AKT3: variants seen among roughly 807,000 people sequenced by gnomAD.
AKT3 encodes the protein RAC-gamma serine/threonine-protein kinase.
Under a neutral mutation model 65.3 loss-of-function variants are expected in AKT3, and 15 were observed. The observed-to-expected ratio is 0.23, with a 90% CI of 0.15 to 0.35. The LOEUF (loss-of-function observed/expected upper bound fraction) is 0.35. AKT3 is among the 10% of genes least tolerant of loss of function. AKT3 has a pLI of 1.00. For synonymous variants in AKT3, 206 were observed against 183.8 expected, an observed-to-expected ratio of 1.12 and a Z score of -0.98; for missense variants, 243 against 576.5, an observed-to-expected ratio of 0.42 and a Z score of 5.92.
intron 2 of AKT3, among the ~76,000 whole-genome samples, chr1:243,755,458 A>T (rs999972121): frequency 1.3e-5 from 2 of 152,066 alleles, no homozygotes; most frequent in East Asian, 3.9e-4. Context: ...CTGGAAATTG[A>T]GGGTTTAAAG....
chr1:243,598,622 C>T (rs2148569081), intron 8 of AKT3, among the ~76,000 whole-genome samples: 1 of 152,270 alleles, frequency 6.6e-6, no homozygotes, highest in African/African-American at 2.4e-5. Flanking sequence ...AAGATGACTG[C>T]ATCTACAGCC....
At chr1:243,829,808 T>C (rs1033185908) in intron 2 of AKT3, among the ~76,000 whole-genome samples, 11 of 152,172 alleles carry the variant, frequency 7.2e-5, no homozygotes, top group African/African-American at 2.7e-4. Flanking sequence ...ATGATTTATA[T>C]AATCAAAACA....
intron 3 of AKT3, among the ~76,000 whole-genome samples, chr1:243,671,481 C>T (rs114817042): frequency 0.021 from 3,218 of 152,226 alleles, 55 homozygotes; most frequent in Non-Finnish European, 0.034. Context: ...ATATGATACA[C>T]CATGGAGGTT....
Position 243,504,617 on chromosome 1 carries a change from G to T in AKT3, c.*632C>A. 5.7e-6 allele frequency: 1 copy of T among 174,958 alleles called. No individual in the cohort carries two copies. The highest frequency in any genetic ancestry group is 1.2e-5 in the Non-Finnish European group (1 of 83,068). 10.8% of individuals were successfully genotyped at this position (174,958 alleles called of 1,614,324 possible). ...TGGGCTTCTTCTACAGTATCCACCAGGAATTTAAAAAAAAAAAATTATATA... is the reference window on the plus strand; with the variant it reads ...TGGGCTTCTTCTACAGTATCCACCATGAATTTAAAAAAAAAAAATTATATA... On this transcript the variant is annotated 3_prime_UTR_variant, in exon 14 of 14. Transcript: ENST00000673466.
At chr1:243,743,141 T>C (rs1688264807) in intron 2 of AKT3, among the ~76,000 whole-genome samples, 1 of 152,182 alleles carries the variant, frequency 6.6e-6, no homozygotes, top group Non-Finnish European at 1.5e-5. Flanking sequence ...TTGGTCTCCA[T>C]CTCAAAAACA....
chr1:243,841,500 CT>C (rs1233632871), intron 2 of AKT3, among the ~76,000 whole-genome samples: 2 of 152,102 alleles, frequency 1.3e-5, no homozygotes, highest in Non-Finnish European at 2.9e-5. Flanking sequence ...TTATAAAGCA[CT>C]GAAATCTGAA....
chr1:243,702,287 C>T (rs1685519093), intron 2 of AKT3, among the ~76,000 whole-genome samples: 1 of 152,066 alleles, frequency 6.6e-6, no homozygotes, highest in East Asian at 1.9e-4. Context: ...AGTTTCTTTC[C>T]CACTCAACCT....
At position 243,501,493 on chromosome 1, in the gene AKT3, C is replaced by T. The variant is rs895981445; in HGVS notation, c.*3756G>A. The stretch of plus-strand genomic sequence containing the variant: ...TCCCTGGCTTCACAGTACATCCATC[C>T]TAAATCCAGTGCTGAGAGGTCAGCG... On this transcript the variant is annotated 3_prime_UTR_variant, in exon 14 of 14. Coordinates refer to ENST00000673466, the MANE Select transcript of AKT3 (RefSeq NM_005465.7). The T allele has an allele frequency of 4.3e-6, 1 of 233,118 alleles. No homozygotes were observed. Among genetic ancestry groups the T allele is most frequent in the African/African-American group, 2.2e-5 (1 of 45,330 alleles). 14.4% of individuals were successfully genotyped at this position (233,118 alleles called of 1,614,324 possible). A position where few individuals can be genotyped will look rare whatever the true frequency, so the allele number is the denominator to read the frequency against.
rs551402088 is a variant in AKT3, at chr1:243,727,554, T to G, written c.47-31838A>C. Among the ~76,000 whole-genome samples, 4 of 152,272 alleles carry G rather than the reference T, an allele frequency of 2.6e-5. No individual in the cohort carries two copies. The East Asian group carries it at 7.7e-4, about 29-fold the overall frequency. On this transcript the variant is annotated intron_variant, in intron 2 of 13. Coordinates refer to ENST00000673466, the MANE Select transcript of AKT3 (RefSeq NM_005465.7). ...CCTCAGCCTCCCAAATTGCCAGGAT[T>G]ACAGGTGTCAGCCACTGCTCCCAGC...
In AKT3 at chr1:243,646,843, T is replaced by A. The variant is rs115840908; in HGVS notation, c.285-806A>T. On this transcript the variant is annotated intron_variant, in intron 4 of 13. Transcript: ENST00000673466. ...TCATAGTAAATTTCTTAGAAAAAAT[T>A]AAAAAAAAGGATACAGCTTGTAGTT... Among the ~76,000 whole-genome samples, 845 of 151,896 alleles carry A rather than the reference T, an allele frequency of 5.6e-3. 11 individuals are homozygous for A. Among genetic ancestry groups the A allele is most frequent in the African/African-American group, 0.019 (804 of 41,450 alleles).
At chr1:243,692,789 G>A (rs1684782624) in intron 3 of AKT3, among the ~76,000 whole-genome samples, 1 of 151,856 alleles carries the variant, frequency 6.6e-6, no homozygotes, top group Non-Finnish European at 1.5e-5. Context: ...AGGCTGCATT[G>A]TCACATAAAA....
intron 2 of AKT3, among the ~76,000 whole-genome samples, chr1:243,732,467 A>G (rs369658203): frequency 6.6e-6 from 1 of 152,222 alleles, no homozygotes; most frequent in East Asian, 1.9e-4. Flanking sequence ...TAATACCCTC[A>G]GACTCTAGGT....
intron 4 of AKT3, among the ~76,000 whole-genome samples, chr1:243,663,235 A>G (rs1235411327): frequency 6.6e-6 from 1 of 152,232 alleles, no homozygotes; most frequent in Non-Finnish European, 1.5e-5. Flanking sequence ...AAAGAAAAAT[A>G]TCTAAGTACC....
chr1:243,581,538 G>A (rs939259773), intron 8 of AKT3, among the ~76,000 whole-genome samples: 5 of 151,546 alleles, frequency 3.3e-5, no homozygotes, highest in Non-Finnish European at 5.9e-5. Context: ...GGAAGAAAAG[G>A]GAAAGGAGAA....
intron 2 of AKT3, among the ~76,000 whole-genome samples, chr1:243,698,556 G>T (rs1437395119): frequency 6.6e-6 from 1 of 151,716 alleles, no homozygotes; most frequent in Non-Finnish European, 1.5e-5. Flanking sequence ...TATTTTCTAT[G>T]ATCTATAGCA....
At chr1:243,621,304 C>T (rs544327180) in intron 6 of AKT3, among the ~76,000 whole-genome samples, 4 of 152,314 alleles carry the variant, frequency 2.6e-5, no homozygotes, top group Admixed American at 1.3e-4. Context: ...AAGCCATAAA[C>T]GTAACATTTA....
intron 2 of AKT3, among the ~76,000 whole-genome samples, chr1:243,706,964 T>C (rs1333504281): frequency 6.6e-6 from 1 of 152,174 alleles, no homozygotes; most frequent in Non-Finnish European, 1.5e-5. Context: ...GTTCTGTCAC[T>C]CACTAGCTGT....
At chr1:243,593,206 C>T (rs900154834) in intron 8 of AKT3, among the ~76,000 whole-genome samples, 2 of 152,216 alleles carry the variant, frequency 1.3e-5, no homozygotes, top group East Asian at 3.9e-4. Flanking sequence ...CAAAACCAGA[C>T]AGAACTATTA....
In AKT3 at chr1:243,646,543, C is replaced by T. The variant is rs561112136; in HGVS notation, c.285-506G>A. ...CTAATTTTTGTATTTTTAGTAGAGA[C>T]GGGGTTTCACCATGTTGGCCAGGCT... On this transcript the variant is annotated intron_variant, in intron 4 of 13. Coordinates refer to ENST00000673466, the MANE Select transcript of AKT3 (RefSeq NM_005465.7). 9.2e-5 allele frequency among the ~76,000 whole-genome samples: 14 copies of T among 151,946 alleles called. No individual in the cohort carries two copies. In the South Asian group the frequency reaches 1.5e-3, roughly 16 times the overall value.
Sources: gnomAD v4.1 joint callset for allele counts (sites outside exome capture counted in the v4.1 genomes callset) on GRCh38, gnomAD v4.1.1 for gene constraint, MANE v1.5 for transcripts, NCBI Gene and HGNC (gene_info 2026-07-23, HGNC 2026-07-21) for gene names.